The following SLC35E2B variants were observed in gnomAD, a reference collection of about 807,000 sequenced individuals.
SLC35E2B encodes the protein solute carrier family 35 member E2B.
SLC35E2B carries 18 observed loss-of-function variants against 32.4 expected under a neutral mutation model. That is an observed-to-expected ratio of 0.56 (90% CI 0.38 to 0.82). The LOEUF (loss-of-function observed/expected upper bound fraction) is 0.82. Ranked by LOEUF, SLC35E2B falls within the 40% of genes least tolerant of loss-of-function variation. SLC35E2B has a pLI of 0.00. For missense variants in SLC35E2B, 263 were observed against 469.5 expected (o/e 0.56, Z 4.06); for synonymous variants, 132 against 209.1 (o/e 0.63, Z 3.18).
chr1:1,675,424 G>C (rs768669865), intron 5 of SLC35E2B, 39 bp downstream of exon 5: 1 of 1,606,812 alleles, frequency 6.2e-7, no homozygotes. Flanking sequence ...GCCTGGGATG[G>C]TGGGGCGCAG....
At chr1:1,687,138 C>T (rs1173431198) in intron 2 of SLC35E2B, among the ~76,000 whole-genome samples, 4 of 152,190 alleles carry the variant, frequency 2.6e-5, no homozygotes, top group Non-Finnish European at 4.4e-5. Flanking sequence ...AGGGTGCTGT[C>T]GGGCCCGAGC....
At position 1,690,474 on chromosome 1, in the gene SLC35E2B, C is replaced by T. The variant is rs1396912616; in HGVS notation, c.-148+502G>A. ...AAAATGTTGGCGGGGCATGGTGGCT[C>T]ATGCTTGTAATCCCAGCACTTTGGG... On this transcript the variant is annotated intron_variant, in intron 2 of 9. Transcript: ENST00000617444. 2.7e-5 allele frequency among the ~76,000 whole-genome samples: 4 copies of T among 145,894 alleles called. 1 individual carries two copies. The highest frequency in any genetic ancestry group is 5.0e-5 in the African/African-American group (2 of 40,162).
At chr1:1,673,815 T>C (rs1157773953) in intron 5 of SLC35E2B, among the ~76,000 whole-genome samples, 2 of 150,386 alleles carry the variant, frequency 1.3e-5, no homozygotes, top group Admixed American at 6.7e-5. Flanking sequence ...TACAAAAAAT[T>C]AGACGGACGC....
intron 5 of SLC35E2B, among the ~76,000 whole-genome samples, chr1:1,673,737 C>T (rs1570323939): frequency 6.6e-6 from 1 of 151,582 alleles, no homozygotes; most frequent in Admixed American, 6.6e-5. Context: ...CTGAGGCGTG[C>T]GGATCAACGA....
chr1:1,662,534 G>A lies in SLC35E2B; in HGVS notation c.*3248C>T, dbSNP rs908784424. On this transcript the variant is annotated 3_prime_UTR_variant, in exon 10 of 10. Coordinates refer to ENST00000617444, the MANE Select transcript of SLC35E2B (RefSeq NM_001290264.2). ...TGCTGATGATAGTCTCTGTTCAGCTGTTTAAAATGACTGTCTGACTCACCA... is the reference window on the plus strand; with the variant it reads ...TGCTGATGATAGTCTCTGTTCAGCTATTTAAAATGACTGTCTGACTCACCA... 9 of 769,922 alleles carry A rather than the reference G, an allele frequency of 1.2e-5. No homozygotes were observed. In the African/African-American group the frequency reaches 1.5e-4, roughly 13 times the overall value. The allele number at this position is 769,922 out of a possible 1,614,324, so 47.7% of individuals were successfully genotyped here.
chr1:1,669,612 C>A (rs534106813), intron 8 of SLC35E2B, 52 bp downstream of exon 8: 1 of 1,470,760 alleles, frequency 6.8e-7, no homozygotes, highest in Non-Finnish European at 9.1e-7. Context: ...CCTGAATCAC[C>A]GGAGAAGGCA....
rs1478338267 is a variant in SLC35E2B, at chr1:1,671,596, A to G, written c.620T>C (p.Met207Thr). The change falls in exon 6 of 10, where the codon ATG becomes ACG. Residue 207 changes from methionine to threonine, a missense_variant. This residue lies in a region of SLC35E2B where 129 missense variants were observed against 164.5 expected (regional missense o/e 0.78). Transcript: ENST00000617444. The part of the protein sequence containing the change: ...LLVNLSLIPV[M>T]GGLALCTATE... ...GGCCGTGCACAGCGCCAGCCCGCCC[A>G]TGACTGGGATGAGGGAGAGGTTGAC... The G allele has an allele frequency of 2.6e-5, 40 of 1,548,486 alleles. No homozygotes were observed. Among genetic ancestry groups the G allele is most frequent in the Non-Finnish European group, 3.5e-5 (40 of 1,145,778 alleles).
In SLC35E2B at chr1:1,668,650, TTTTG is replaced by T. The variant is rs369806302; in HGVS notation, c.835-182_835-179del. Among the ~76,000 whole-genome samples, 31 of 152,318 alleles carry T rather than the reference TTTTG, an allele frequency of 2.0e-4. No individual in the cohort carries two copies. In the Middle Eastern group the frequency reaches 0.01, roughly 50 times the overall value. ...TGTGCACTCATCCATTTTCTGTTTTTTTTGTTTGTTTGTTTTTATTATTTTTTGC... is the reference window on the plus strand; with the variant it reads ...TGTGCACTCATCCATTTTCTGTTTTTTTTGTTTGTTTTTATTATTTTTTGC... On this transcript the variant is annotated intron_variant, in intron 8 of 9. Transcript: ENST00000617444.
rs141732428 is a variant in SLC35E2B, at chr1:1,662,933, T to A, written c.*2849A>T. On this transcript the variant is annotated 3_prime_UTR_variant, in exon 10 of 10. Coordinates refer to ENST00000617444, the MANE Select transcript of SLC35E2B (RefSeq NM_001290264.2). ...AGAAAAGTATTACACAAAGTTATTTTAAAAAATGTCTGTACAATCGTTAAC... is the reference window on the plus strand; with the variant it reads ...AGAAAAGTATTACACAAAGTTATTTAAAAAAATGTCTGTACAATCGTTAAC... 153,368 of 680,340 alleles carry A rather than the reference T, an allele frequency of 0.23. 28,402 individuals are homozygous for A. The highest frequency in any genetic ancestry group is 0.25 in the Non-Finnish European group (140,245 of 560,178). The allele number at this position is 680,340 out of a possible 1,614,324, so 42.1% of individuals were successfully genotyped here. A position where few individuals can be genotyped will look rare whatever the true frequency, so the allele number is the denominator to read the frequency against.
intron 5 of SLC35E2B, 80 bp from the exon 6 acceptor site, chr1:1,671,709 C>T (rs1643697304): frequency 7.3e-7 from 1 of 1,362,220 alleles, no homozygotes; most frequent in Admixed American, 3.3e-5. Context: ...TTTCCATCCC[C>T]TCTTATGAAA....
At chr1:1,685,377 C>T (rs1422453695) in intron 2 of SLC35E2B, among the ~76,000 whole-genome samples, 1 of 140,462 alleles carries the variant, frequency 7.1e-6, no homozygotes, top group African/African-American at 2.7e-5. Context: ...CTCACCACTG[C>T]ACTCCAGCCT....
At chr1:1,688,298 A>C (rs1643975816) in intron 2 of SLC35E2B, among the ~76,000 whole-genome samples, 1 of 152,140 alleles carries the variant, frequency 6.6e-6, no homozygotes, top group Non-Finnish European at 1.5e-5. Flanking sequence ...CCAAGAGACT[A>C]AAACTACTGA....
chr1:1,663,494 G>A lies in SLC35E2B; in HGVS notation c.*2288C>T, dbSNP rs190637252. The A allele has an allele frequency of 8.2e-4, 732 of 895,228 alleles. 13 individuals are homozygous for A. In the African/African-American group the frequency reaches 0.012, roughly 15 times the overall value. 55.5% of individuals were successfully genotyped at this position (895,228 alleles called of 1,614,324 possible). A position where few individuals can be genotyped will look rare whatever the true frequency, so the allele number is the denominator to read the frequency against. ...TTCTAATAGTGTTTGTTTTTGAGAC[G>A]GAATCTTGCCCTGTTGCCCAGGCTG... On this transcript the variant is annotated 3_prime_UTR_variant, in exon 10 of 10. Transcript: ENST00000617444.
chr1:1,687,826 G>A (rs755094728), intron 2 of SLC35E2B, among the ~76,000 whole-genome samples: 3 of 152,012 alleles, frequency 2.0e-5, no homozygotes, highest in Admixed American at 6.6e-5. Flanking sequence ...ACCCGGAGGC[G>A]GAGGTTGCAG....
intron 2 of SLC35E2B, among the ~76,000 whole-genome samples, chr1:1,684,789 C>CAGA (rs1643931309): frequency 4.2e-5 from 1 of 23,736 alleles, no homozygotes; most frequent in Non-Finnish European, 7.3e-5. Context: ...GACTCCATCT[C>CAGA]AAAAAAAAAA....
At chr1:1,690,204 C>T (rs1289461769) in intron 2 of SLC35E2B, among the ~76,000 whole-genome samples, 5 of 146,430 alleles carry the variant, frequency 3.4e-5, no homozygotes, top group Admixed American at 7.0e-5. Flanking sequence ...CACTTGAACA[C>T]GGGAGGCAGA....
At chr1:1,687,975 G>A (rs1422477779) in intron 2 of SLC35E2B, among the ~76,000 whole-genome samples, 1 of 152,066 alleles carries the variant, frequency 6.6e-6, no homozygotes, top group Non-Finnish European at 1.5e-5. Flanking sequence ...AAAAATGACT[G>A]ACTCTCGGGC....
chr1:1,664,929 CTCAGAG>C lies in SLC35E2B; in HGVS notation c.*847_*852del, dbSNP rs1643502400. The C allele has an allele frequency of 1.1e-6, 1 of 950,840 alleles. No homozygotes were observed. Among genetic ancestry groups the C allele is most frequent in the Admixed American group, 6.2e-5 (1 of 16,150 alleles). 58.9% of individuals were successfully genotyped at this position (950,840 alleles called of 1,614,324 possible). A position where few individuals can be genotyped will look rare whatever the true frequency, so the allele number is the denominator to read the frequency against. ...GGACCTCAGAACAGCCTGCCTCATA[CTCAGAG>C]TCCAAAAAAGAAAAGGAACGTACAC... On this transcript the variant is annotated 3_prime_UTR_variant, in exon 10 of 10. Coordinates refer to ENST00000617444, the MANE Select transcript of SLC35E2B (RefSeq NM_001290264.2).
intron 2 of SLC35E2B, among the ~76,000 whole-genome samples, chr1:1,681,486 C>T (rs958023248): frequency 3.3e-5 from 5 of 151,520 alleles, no homozygotes; most frequent in Non-Finnish European, 5.9e-5. Context: ...GGACTACAGG[C>T]GTGAGCCACC....
Sources: gnomAD v4.1 joint callset for allele counts (sites outside exome capture counted in the v4.1 genomes callset) on GRCh38, gnomAD v4.1.1 for gene constraint, gnomAD v4.1.1 regional missense constraint, MANE v1.5 for transcripts, NCBI Gene and HGNC (gene_info 2026-07-23, HGNC 2026-07-21) for gene names.